Variants in VWF observed in about 807,000 individuals in gnomAD.
The protein encoded by VWF is Factor VIII related antigen.
A neutral mutation model predicts 308.6 loss-of-function variants in VWF; 176 were observed. The observed-to-expected ratio is 0.57, with a 90% CI of 0.50 to 0.65. The LOEUF is 0.65. Among genes scored for constraint, VWF ranks in the 30% least tolerant of loss-of-function variants. The probability of loss-of-function intolerance (pLI) is 0.00; values close to 1 mark genes in which losing one functional copy is unlikely to be tolerated. For synonymous variants in VWF, 1,385 were observed against 1,443.4 expected, an observed-to-expected ratio of 0.96 and a Z score of 0.92; for missense variants, 3,146 against 3,648.2, an observed-to-expected ratio of 0.86 and a Z score of 3.55.
intron 6 of VWF, among the ~76,000 whole-genome samples, chr12:6,092,635 GTGTGT>G (rs1461889756): frequency 7.0e-6 from 1 of 142,316 alleles, no homozygotes. Context: ...GTGTGTGTGT[GTGTGT>G]GTGTGTGTGT....
At chr12:6,108,268 T>C (rs1206411852) in intron 5 of VWF, among the ~76,000 whole-genome samples, 1 of 144,346 alleles carries the variant, frequency 6.9e-6, no homozygotes, top group Non-Finnish European at 1.5e-5. Context: ...CAATCCGGCC[T>C]GGGTGACAGA....
intron 43 of VWF, 78 bp from the exon 44 acceptor site, chr12:5,971,787 C>G: frequency 7.9e-7 from 1 of 1,270,130 alleles, no homozygotes; most frequent in Non-Finnish European, 1.1e-6. Context: ...CTCCTGCGTA[C>G]TGAGCCCTGG....
chr12:5,949,998 A>C, intron 50 of VWF, 115 bp from the exon 51 acceptor site: 1 of 886,870 alleles, frequency 1.1e-6, no homozygotes, highest in Non-Finnish European at 1.8e-6. Flanking sequence ...TAACCAAATA[A>C]AGCCAGCCAC....
At chr12:5,984,597 G>A (rs966432930) in intron 40 of VWF, among the ~76,000 whole-genome samples, 13 of 152,198 alleles carry the variant, frequency 8.5e-5, no homozygotes, top group African/African-American at 9.7e-5. Context: ...CTGAATTCAC[G>A]GACTTATACC....
intron 9 of VWF, 72 bp downstream of exon 9, chr12:6,072,247 ACCTGCCACCACC>A (rs1565852493): frequency 6.9e-6 from 9 of 1,302,512 alleles, no homozygotes; most frequent in Non-Finnish European, 6.6e-6. Context: ...GTTCTTTTCC[ACCTGCCACCACC>A]CCTGCTGACC....
At chr12:6,111,053 C>G (rs1035963900) in intron 3 of VWF, 85 bp from the exon 4 acceptor site, 10 of 1,294,546 alleles carry the variant, frequency 7.7e-6, no homozygotes, top group Admixed American at 1.8e-5. Context: ...TCTACGTAAC[C>G]TTTTCTCAGC....
intron 16 of VWF, among the ~76,000 whole-genome samples, chr12:6,047,129 C>A (rs1288939592): frequency 6.6e-6 from 1 of 152,194 alleles, no homozygotes. Flanking sequence ...TCCTTCTCAG[C>A]CTCAGCTTTC....
intron 6 of VWF, among the ~76,000 whole-genome samples, chr12:6,093,849 A>C (rs1591913810): frequency 6.6e-6 from 1 of 150,714 alleles, no homozygotes; most frequent in East Asian, 1.9e-4. Context: ...ACCCCTCCCC[A>C]CCTCCCCTTC....
chr12:5,999,466 A>C (rs1407570033), intron 34 of VWF, among the ~76,000 whole-genome samples: 2 of 122,444 alleles, frequency 1.6e-5, no homozygotes, highest in Non-Finnish European at 3.4e-5. Flanking sequence ...CCACATGTAC[A>C]CACATACACA....
rs748057326 is a variant in VWF, at chr12:6,075,420, G to T, written c.789C>A (p.Cys263Ter). Residue 263 changes from cysteine (C) to a stop codon, truncating the protein, a stop_gained, in exon 7 of 52, where the codon TGC becomes TGA. Transcript: ENST00000261405. LOFTEE classifies it high-confidence loss of function. The surrounding 1 kb of genome is among the most constrained non-coding windows in gnomAD (Gnocchi z 4.7). ...CGTACTCCAGGAGGGCAGGGCAGGC[G>T]CACTCCAGCCCCCCAGCACACTCAC... ...TLCECAGGLECACPALLEYAR... is the reference protein window; with the variant it reads ...TLCECAGGLE 3 of 1,614,016 alleles carry T rather than the reference G, an allele frequency of 1.9e-6. No homozygotes were observed. Among genetic ancestry groups the T allele is most frequent in the Non-Finnish European group, 2.5e-6 (3 of 1,180,038 alleles).
At chr12:5,978,008 T>C (rs1943551138) in intron 42 of VWF, among the ~76,000 whole-genome samples, 1 of 149,234 alleles carries the variant, frequency 6.7e-6, no homozygotes, top group Non-Finnish European at 1.5e-5. Context: ...TTTAAAATCA[T>C]TTAAGTGTTT....
rs1281164389 is a variant in VWF at position 6,016,756 on chromosome 12, A to G, written c.5168T>C (p.Ile1723Thr). The G allele has an allele frequency of 7.4e-6, 12 of 1,614,116 alleles. No individual in the cohort carries two copies. The highest frequency in any genetic ancestry group is 1.0e-5 in the Non-Finnish European group (12 of 1,180,058). The part of the protein sequence containing the change: ...FAKAFISKAN[I>T]GPRLTQVSVL... Reference sequence around the variant, plus strand: ...CTTCAGGTGCCTCGCTCACCCACCTATATTGGCTTTTGAAATGAAAGCCTT... The same window carrying G: ...CTTCAGGTGCCTCGCTCACCCACCTGTATTGGCTTTTGAAATGAAAGCCTT... The change falls in exon 29 of 52, where the codon ATA becomes ACA. Residue 1723 changes from isoleucine to threonine, a missense_variant and splice_region_variant. Ile to Thr is a moderately conservative substitution (Grantham distance 89). Transcript: ENST00000261405.
intron 5 of VWF, among the ~76,000 whole-genome samples, chr12:6,102,584 A>C (rs1160723441): frequency 2.0e-5 from 3 of 150,988 alleles, no homozygotes; most frequent in Non-Finnish European, 4.4e-5. Flanking sequence ...AAAATACAAA[A>C]ATTAGCCAGG....
intron 34 of VWF, among the ~76,000 whole-genome samples, chr12:6,008,212 T>G (rs1313170715): frequency 9.8e-6 from 1 of 101,566 alleles, no homozygotes; most frequent in Non-Finnish European, 2.0e-5. Flanking sequence ...GTCAAAGACT[T>G]TACATTAAAA....
Position 5,969,350 on chromosome 12 carries a change from G to A in VWF, c.7590C>T (p.Ile2530=). The A allele has an allele frequency of 6.2e-7, 1 of 1,614,246 alleles. No homozygotes were observed. Among genetic ancestry groups the A allele is most frequent in the Non-Finnish European group, 8.5e-7 (1 of 1,180,048 alleles). The stretch of plus-strand genomic sequence containing the variant: ...CCTCCTTCACTCGGACACACTCATT[G>A]ATGAGGCAGGGGTTCTCCGGGGAGG... ...QWASPENPCL[I]NECVRVKEEV... is the part of the protein sequence containing the mutation. The change falls in exon 45 of 52, where the codon ATC becomes ATT. Residue 2530 remains isoleucine, a synonymous_variant. Transcript: ENST00000261405.
intron 34 of VWF, among the ~76,000 whole-genome samples, chr12:6,005,714 G>A (rs1943917814): frequency 6.6e-6 from 1 of 152,254 alleles, no homozygotes; most frequent in East Asian, 1.9e-4. Flanking sequence ...GGAGATGGAT[G>A]ATCTATTCAA....
intron 5 of VWF, among the ~76,000 whole-genome samples, chr12:6,103,838 G>T (rs957470827): frequency 1.3e-5 from 2 of 152,084 alleles, no homozygotes; most frequent in Non-Finnish European, 2.9e-5. Context: ...TGGGAAAACT[G>T]TACTGGACAT....
chr12:6,013,482 A>G lies in VWF; in HGVS notation c.5619T>C (p.Ser1873=). 1.9e-6 allele frequency: 3 copies of G among 1,614,200 alleles called. No individual in the cohort carries two copies. ...LGNSFLHKLC[S]GFVRICMDED... is the part of the protein sequence containing the mutation. ...TAAGAAAGGTATTATAAGACTCACCAGAGCACAGTTTGTGGAGGAAGGAAT... is the reference window on the plus strand; with the variant it reads ...TAAGAAAGGTATTATAAGACTCACCGGAGCACAGTTTGTGGAGGAAGGAAT... Residue 1873 remains serine (S), a splice_region_variant and synonymous_variant, in exon 32 of 52, where the codon TCT becomes TCC. Coordinates refer to ENST00000261405, the MANE Select transcript of VWF (RefSeq NM_000552.5).
chr12:5,950,334 A>C (rs1426002206), intron 50 of VWF, among the ~76,000 whole-genome samples: 1 of 152,116 alleles, frequency 6.6e-6, no homozygotes, highest in Non-Finnish European at 1.5e-5. Context: ...TGGTGATGTA[A>C]GGGCATACCC....
Sources: gnomAD v4.1 joint callset for allele counts (sites outside exome capture counted in the v4.1 genomes callset) on GRCh38, gnomAD v4.1.1 for gene constraint, Gnocchi (gnomAD v3.1) non-coding constraint, MANE v1.5 for transcripts, NCBI Gene and HGNC (gene_info 2026-07-23, HGNC 2026-07-21) for gene names.